Variants in ERFE observed in about 807,000 individuals in gnomAD.
ERFE encodes the protein complement C1q tumor necrosis factor-related protein 15.
Under a neutral mutation model 26.6 loss-of-function variants are expected in ERFE, and 25 were observed. The observed-to-expected ratio is 0.94, with a 90% confidence interval of 0.69 to 1.31. The LOEUF (loss-of-function observed/expected upper bound fraction) is 1.31, where lower values mean the gene tolerates loss of function less well. Ranked by LOEUF, ERFE falls within the 40% of genes most tolerant of loss-of-function variation. The probability of loss-of-function intolerance (pLI) is 0.00; values close to 1 mark genes in which losing one functional copy is unlikely to be tolerated. For missense variants in ERFE, 447 were observed against 440.2 expected, an observed-to-expected ratio of 1.02 and a Z score of -0.14; for synonymous variants, 206 against 204.5, an observed-to-expected ratio of 1.01 and a Z score of -0.06.
chr2:238,164,041 C>G, intron 4 of ERFE, 34 bp from the exon 5 acceptor site: 2 of 1,380,508 alleles, frequency 1.4e-6, no homozygotes, highest in Non-Finnish European at 1.9e-6. Flanking sequence ...TCCGGCCGGG[C>G]GGGAGCCGGG....
chr2:238,168,716 A>ATG lies in ERFE; in HGVS notation c.*1665_*1666dup, dbSNP rs1432409102. ...ATCCGTGTGTTTTGATAAGGGGGTG[A>ATG]TGTGGCCACGCCCTTATCTAGATTT... On this transcript the variant is annotated 3_prime_UTR_variant, in exon 8 of 8. Transcript: ENST00000546354. 9 of 297,880 alleles carry ATG rather than the reference A, an allele frequency of 3.0e-5. No homozygotes were observed. 18.5% of individuals were successfully genotyped at this position (297,880 alleles called of 1,614,324 possible).
chr2:238,163,500 G>A, intron 3 of ERFE: 3 of 406,812 alleles, frequency 7.4e-6, no homozygotes, highest in Non-Finnish European at 8.3e-6. Flanking sequence ...GAGGCTGGAG[G>A]CCAAGGGCGC....
intron 2 of ERFE, 28 bp from the exon 3 acceptor site, chr2:238,162,708 T>A (rs775517929): frequency 7.0e-7 from 1 of 1,419,284 alleles, no homozygotes; most frequent in African/African-American, 1.4e-5. Context: ...GCTCCTCACA[T>A]GTCCTCACTG....
In ERFE at chr2:238,162,750, GC is replaced by G. The variant is rs35861371; in HGVS notation, c.341del (p.Pro114LeufsTer20). Reference protein sequence around the residue: ...AKKLKFGLPGPPGPPGPQGPP... With the variant: ...AKKLKFGLPGXPGPPGPQGPP... ...TTCCCTTTCAGTTCGGCTTGCCAGGGCCCCCTGGGCCTCCCGGTCCCCAGGG... is the reference window on the plus strand; with the variant it reads ...TTCCCTTTCAGTTCGGCTTGCCAGGGCCCCTGGGCCTCCCGGTCCCCAGGG... On this transcript the variant is annotated frameshift_variant, in exon 3 of 8. Transcript: ENST00000546354. LOFTEE classifies it high-confidence loss of function. 1.3e-6 allele frequency: 2 copies of G among 1,548,636 alleles called. No individual in the cohort carries two copies. Among genetic ancestry groups the G allele is most frequent in the African/African-American group, 1.4e-5 (1 of 73,142 alleles).
chr2:238,166,678 C>A (rs906539405), intron 7 of ERFE, among the ~76,000 whole-genome samples: 10 of 152,254 alleles, frequency 6.6e-5, no homozygotes, highest in South Asian at 2.1e-4. Context: ...AGCTGAGAAA[C>A]CTGTTGGACT....
At chr2:238,164,646 A>C (rs897706137) in intron 6 of ERFE, 1 of 427,430 alleles carries the variant, frequency 2.3e-6, no homozygotes. Context: ...CGAGGTCAGG[A>C]GATCGAGACC....
In ERFE at chr2:238,168,067, CG is replaced by C. The variant is rs1379952682; in HGVS notation, c.*1015del. 3.0e-5 allele frequency: 6 copies of C among 198,996 alleles called. No homozygotes were observed. Among genetic ancestry groups the C allele is most frequent in the African/African-American group, 1.4e-4 (6 of 42,688 alleles). The allele number at this position is 198,996 out of a possible 1,614,324, so 12.3% of individuals were successfully genotyped here. ...CATCTTTCCCACTTGGGTGGCCATG[CG>C]GCGCTGACATTGGACAGGTGGTGGA... is the stretch of plus-strand genomic sequence containing the variant. On this transcript the variant is annotated 3_prime_UTR_variant, in exon 8 of 8. Coordinates refer to ENST00000546354, the MANE Select transcript of ERFE (RefSeq NM_001291832.2).
At chr2:238,160,478 G>A (rs1014112923) in intron 1 of ERFE, among the ~76,000 whole-genome samples, 1 of 152,120 alleles carries the variant, frequency 6.6e-6, no homozygotes, top group African/African-American at 2.4e-5. Flanking sequence ...TCCTGGGAGG[G>A]GGTAGAGGGG....
At chr2:238,161,521 C>T (rs1692938320) in intron 1 of ERFE, 73 bp from the exon 2 acceptor site, 2 of 1,456,134 alleles carry the variant, frequency 1.4e-6, no homozygotes, top group South Asian at 1.4e-5. Context: ...ACAGTCACCT[C>T]CTGCAAAGTG....
chr2:238,162,658 T>A (rs1304827113), intron 2 of ERFE, 78 bp from the exon 3 acceptor site: 2 of 927,540 alleles, frequency 2.2e-6, no homozygotes, highest in Non-Finnish European at 1.7e-6. Flanking sequence ...TGCCTCTTAG[T>A]GGCAAGAGCT....
rs1010161237 is a variant in ERFE at position 238,168,805 on chromosome 2, A to G, written c.*1751A>G. ...TATCTTTCACTCTTGTAAAAGCCAC[A>G]TATCCACATCTCTTTCATTTTTCTC... is the stretch of plus-strand genomic sequence containing the variant. On this transcript the variant is annotated 3_prime_UTR_variant, in exon 8 of 8. Transcript: ENST00000546354. 1 of 124,312 alleles carries G rather than the reference A, an allele frequency of 8.0e-6. No individual in the cohort carries two copies. Among genetic ancestry groups the G allele is most frequent in the Admixed American group, 9.4e-5 (1 of 10,602 alleles). 7.7% of individuals were successfully genotyped at this position (124,312 alleles called of 1,614,324 possible). A position where few individuals can be genotyped will look rare whatever the true frequency, so the allele number is the denominator to read the frequency against.
In ERFE at chr2:238,162,751, C is replaced by A; in HGVS notation, c.337C>A (p.Pro113Thr). Reference protein sequence around the residue: ...AKKLKFGLPGPPGPPGPQGPP... With the variant: ...AKKLKFGLPGTPGPPGPQGPP... ...TCCCTTTCAGTTCGGCTTGCCAGGG[C>A]CCCCTGGGCCTCCCGGTCCCCAGGG... is the stretch of plus-strand genomic sequence containing the variant. The change falls in exon 3 of 8, where the codon CCC becomes ACC. Residue 113 changes from proline (P) to threonine (T), a missense_variant. Transcript: ENST00000546354. 6.5e-7 allele frequency: 1 copy of A among 1,547,032 alleles called. No homozygotes were observed. Among genetic ancestry groups the A allele is most frequent in the South Asian group, 1.2e-5 (1 of 83,990 alleles).
chr2:238,166,820 C>T, intron 7 of ERFE, 136 bp from the exon 8 acceptor site: 2 of 716,316 alleles, frequency 2.8e-6, no homozygotes, highest in Middle Eastern at 3.8e-4. Flanking sequence ...ACCTTGGCGG[C>T]CACATTCTTC....
chr2:238,163,840 G>C lies in ERFE; in HGVS notation c.528G>C (p.Glu176Asp), dbSNP rs1043796288. 13 of 1,320,686 alleles carry C rather than the reference G, an allele frequency of 9.8e-6. No homozygotes were observed. Among genetic ancestry groups the C allele is most frequent in the African/African-American group, 1.5e-5 (1 of 64,708 alleles). 81.8% of individuals were successfully genotyped at this position (1,320,686 alleles called of 1,614,324 possible). ...CCCCGGTCTCGGCCACCGCCGGGGA[G>C]GACGACGACGACGTGGTGGGGGACG... is the stretch of plus-strand genomic sequence containing the variant. The part of the protein sequence containing the change: ...SLAPVSATAG[E>D]DDDDVVGDVL... Residue 176 changes from glutamate (E) to aspartate (D), a missense_variant, in exon 4 of 8, where the codon GAG (glutamate) becomes GAC (aspartate). Glu to Asp is a conservative substitution (Grantham distance 45). Coordinates refer to ENST00000546354, the MANE Select transcript of ERFE (RefSeq NM_001291832.2).
intron 7 of ERFE, among the ~76,000 whole-genome samples, chr2:238,166,221 G>A (rs1251143959): frequency 2.0e-5 from 3 of 152,244 alleles, no homozygotes; most frequent in African/African-American, 7.2e-5. Context: ...ATTGAGTGCA[G>A]GTGTGTGGAA....
At position 238,163,992 on chromosome 2, in the gene ERFE, A is replaced by G; in HGVS notation, c.680A>G (p.Tyr227Cys). The G allele has an allele frequency of 7.2e-7, 1 of 1,388,222 alleles. No individual in the cohort carries two copies. Among genetic ancestry groups the G allele is most frequent in the South Asian group, 1.6e-5 (1 of 61,904 alleles). The allele number at this position is 1,388,222 out of a possible 1,614,324, so 86.0% of individuals were successfully genotyped here. ...CGCGCGCTGCACGAGCTTGGCGTCT[A>G]CTACCTGGTGAGTGCCGGCGCGCGG... ...ERRALHELGV[Y>C]YLPDAEGAFR... The change falls in exon 4 of 8, where the codon TAC becomes TGC. Residue 227 changes from tyrosine (Y) to cysteine (C), a missense_variant. Physicochemically the swap from Tyr to Cys is radical, Grantham distance 194 (BLOSUM62 -2). Coordinates refer to ENST00000546354, the MANE Select transcript of ERFE (RefSeq NM_001291832.2).
Position 238,164,006 on chromosome 2 carries a change from G to GC in ERFE, c.687+9dup. 7.3e-7 allele frequency: 1 copy of GC among 1,377,462 alleles called. No homozygotes were observed. 85.3% of individuals were successfully genotyped at this position (1,377,462 alleles called of 1,614,324 possible). A position where few individuals can be genotyped will look rare whatever the true frequency, so the allele number is the denominator to read the frequency against. ...GCTTGGCGTCTACTACCTGGTGAGT[G>GC]CCGGCGCGCGGGAGGGCGGGTGAGT... On this transcript the variant is annotated splice_region_variant and intron_variant, in intron 4 of 7. Coordinates refer to ENST00000546354, the MANE Select transcript of ERFE (RefSeq NM_001291832.2).
chr2:238,164,602 CGCA>C, intron 6 of ERFE: 1 of 521,422 alleles, frequency 1.9e-6, no homozygotes. Context: ...CGCCTGTAAT[CGCA>C]GCACTTTGGG....
In ERFE at chr2:238,161,658, A is replaced by G; in HGVS notation, c.263A>G (p.Gln88Arg). The G allele has an allele frequency of 6.5e-7, 1 of 1,548,416 alleles. No homozygotes were observed. ...PRDAWMLFVR[Q>R]SDKGVNGKKR... ...GACGCCTGGATGCTCTTCGTCAGGC[A>G]GAGTGACAAGGGTGTCAATGGCAAG... Residue 88 changes from glutamine (Q) to arginine (R), a missense_variant, in exon 2 of 8, where the codon CAG becomes CGG. Gln to Arg is a conservative substitution (Grantham distance 43). Transcript: ENST00000546354.
Sources: allele counts gnomAD v4.1 joint callset (sites outside exome capture counted in the v4.1 genomes callset), GRCh38; gene constraint gnomAD v4.1.1; transcripts MANE v1.5; gene names NCBI Gene and HGNC (gene_info 2026-07-23, HGNC 2026-07-21).